USH1C: variants seen among roughly 807,000 people sequenced by gnomAD.
USH1C encodes harmonin.
Under a neutral mutation model 119.3 loss-of-function variants are expected in USH1C, and 90 were observed. The observed-to-expected ratio is 0.75, with a 90% CI of 0.64 to 0.90. USH1C has a LOEUF of 0.90. Among genes scored for constraint, USH1C ranks in the 40% least tolerant of loss-of-function variants. The pLI is 0.00. For missense variants in USH1C, 1,165 were observed against 1,167.7 expected, an observed-to-expected ratio of 1.00 and a Z score of 0.03; for synonymous variants, 465 against 443.3, an observed-to-expected ratio of 1.05 and a Z score of -0.62.
chr11:17,530,436 A>G (rs904739500), intron 4 of USH1C, among the ~76,000 whole-genome samples: 3 of 152,212 alleles, frequency 2.0e-5, no homozygotes, highest in African/African-American at 7.2e-5. Context: ...CTGAGCCTCT[A>G]TTAATTCTGT....
chr11:17,523,264 C>A lies in USH1C; in HGVS notation c.823G>T (p.Val275Leu), dbSNP rs1850501446. 1 of 1,614,072 alleles carries A rather than the reference C, an allele frequency of 6.2e-7. No homozygotes were observed. The highest frequency in any genetic ancestry group is 1.3e-5 in the African/African-American group (1 of 74,934). Reference sequence around the variant, plus strand: ...CTGCGGCTACTCTTCAGCACATTTACAGCCTGTGGGGACAGAAGGACAGTG... The same window carrying A: ...CTGCGGCTACTCTTCAGCACATTTAAAGCCTGTGGGGACAGAAGGACAGTG... ...DFSNLDHKEA[V>L]NVLKSSRSLT... is the part of the protein sequence containing the mutation. Residue 275 changes from valine (V) to leucine (L), a missense_variant, in exon 11 of 27, where the codon GTA becomes TTA. Transcript: ENST00000005226.
chr11:17,530,341 C>T (rs931891846), intron 4 of USH1C, among the ~76,000 whole-genome samples: 1 of 152,206 alleles, frequency 6.6e-6, no homozygotes, highest in Non-Finnish European at 1.5e-5. Context: ...AGGAGAGGCA[C>T]CTGCGTTGCT....
chr11:17,531,353 G>T lies in USH1C; in HGVS notation c.248+46C>A, dbSNP rs577511566. The T allele has an allele frequency of 6.2e-7, 1 of 1,613,880 alleles. No homozygotes were observed. On this transcript the variant is annotated intron_variant, in intron 3 of 26. Transcript: ENST00000005226. The surrounding 1 kb of genome is among the most constrained non-coding windows in gnomAD (Gnocchi z 4.2). ...GGCTGCCAGCACTGCCCCGCCCAGG[G>T]TGATCTCTCCACCCCCTGCCTCCAG...
Position 17,540,411 on chromosome 11 carries a change from C to A in USH1C, c.36+3861G>T, listed in dbSNP as rs148724100. ...TCCTTCTCCTCCAAAAGTTGAGGTA[C>A]CCCGGGCTCTGTCCTAGGTCTCCTC... On this transcript the variant is annotated intron_variant, in intron 1 of 26. Transcript: ENST00000005226. Among the ~76,000 whole-genome samples, 151 of 152,144 alleles carry A rather than the reference C, an allele frequency of 9.9e-4. 3 individuals carry two copies. The East Asian group carries it at 0.01, about 10-fold the overall frequency.
At chr11:17,504,610 G>A in intron 20 of USH1C, 37 bp downstream of exon 20, 2 of 1,610,406 alleles carry the variant, frequency 1.2e-6, no homozygotes, top group Non-Finnish European at 1.7e-6. Flanking sequence ...CGGGGGTGGT[G>A]GGGAGACCTC....
intron 14 of USH1C, 127 bp from the exon 15 acceptor site, chr11:17,516,417 C>T (rs531473871): frequency 2.6e-5 from 25 of 974,488 alleles, no homozygotes; most frequent in East Asian, 7.9e-5. Context: ...TTGGCAGATC[C>T]GACAGCAAAA....
intron 2 of USH1C, among the ~76,000 whole-genome samples, chr11:17,532,371 C>T (rs781609812): frequency 2.6e-4 from 40 of 152,114 alleles, no homozygotes; most frequent in Non-Finnish European, 5.1e-4. Flanking sequence ...AATCATGGCT[C>T]ACTGCAGCCT....
chr11:17,535,601 T>C (rs1250933333), intron 1 of USH1C, among the ~76,000 whole-genome samples: 1 of 152,090 alleles, frequency 6.6e-6, no homozygotes, highest in African/African-American at 2.4e-5. Flanking sequence ...CATAATAAGC[T>C]CTCAATAAAG....
intron 14 of USH1C, chr11:17,516,732 C>G (rs1850163479): frequency 3.4e-6 from 1 of 293,932 alleles, no homozygotes; most frequent in Admixed American, 4.7e-5. Flanking sequence ...GGGTGTCTGC[C>G]TAGAACTGTT....
chr11:17,507,592 T>G (rs760815526), intron 18 of USH1C, among the ~76,000 whole-genome samples: 6 of 152,242 alleles, frequency 3.9e-5, no homozygotes, highest in Non-Finnish European at 8.8e-5. Context: ...CTTGCCATTC[T>G]TAACTTAGAA....
chr11:17,495,101 A>G (rs11024309), intron 26 of USH1C: 92,538 of 240,904 alleles, frequency 0.38, 18,703 homozygotes, highest in Non-Finnish European at 0.43. Flanking sequence ...GCCATGGTGG[A>G]GCAAGAGCTC....
intron 13 of USH1C, among the ~76,000 whole-genome samples, 159 bp downstream of exon 13, chr11:17,521,187 A>C (rs943758450): frequency 6.6e-6 from 1 of 152,170 alleles, no homozygotes; most frequent in Admixed American, 6.5e-5. Context: ...ACTATGTTTC[A>C]GTTACTATAA....
rs552281202 is a variant in USH1C, at chr11:17,526,521, C to T, written c.580-80G>A. ...TCTTGAGCTTGTGGGATCTGCAGGGCGAGCACTGCTGAACTCACGCCAGCC... is the reference window on the plus strand; with the variant it reads ...TCTTGAGCTTGTGGGATCTGCAGGGTGAGCACTGCTGAACTCACGCCAGCC... On this transcript the variant is annotated intron_variant, in intron 7 of 26. Transcript: ENST00000005226. 2.1e-4 allele frequency: 275 copies of T among 1,321,982 alleles called. No individual in the cohort carries two copies. The African/African-American group carries it at 2.9e-3, about 14-fold the overall frequency. 81.9% of individuals were successfully genotyped at this position (1,321,982 alleles called of 1,614,324 possible).
At chr11:17,517,691 T>G (rs957652467) in intron 14 of USH1C, among the ~76,000 whole-genome samples, 2 of 152,220 alleles carry the variant, frequency 1.3e-5, no homozygotes, top group Non-Finnish European at 2.9e-5. Flanking sequence ...CTTTAGTTTT[T>G]CTGTCTGTAC....
Position 17,501,127 on chromosome 11 carries a change from C to T in USH1C, c.2304G>A (p.Leu768=), listed in dbSNP as rs780145485. ...IKKEGSLDLA[L]EGGVDSPIGK... ...CAATGGGGGAGTCCACACCGCCTTC[C>T]AGGGCCAGGTCTAAGGATCCCTCCT... The change falls in exon 23 of 27, where the codon CTG becomes CTA. Residue 768 remains leucine, a synonymous_variant. Transcript: ENST00000005226. The T allele has an allele frequency of 6.2e-7, 1 of 1,614,022 alleles. No homozygotes were observed. The highest frequency in any genetic ancestry group is 2.2e-5 in the East Asian group (1 of 44,868).
At chr11:17,526,993 C>A (rs2133897005) in intron 6 of USH1C, 23 bp downstream of exon 6, 1 of 1,563,248 alleles carries the variant, frequency 6.4e-7, no homozygotes, top group Non-Finnish European at 8.7e-7. Context: ...GAAGAGTTGG[C>A]CTGCAGAGGA....
At chr11:17,496,913 G>T in intron 24 of USH1C, 100 bp from the exon 25 acceptor site, 1 of 1,431,766 alleles carries the variant, frequency 7.0e-7, no homozygotes, top group Non-Finnish European at 9.7e-7. Flanking sequence ...CCTAGGATCA[G>T]CCAGGCTGCA....
chr11:17,496,628 G>T, intron 25 of USH1C, 130 bp downstream of exon 25: 1 of 1,144,192 alleles, frequency 8.7e-7, no homozygotes, highest in Non-Finnish European at 1.3e-6. Flanking sequence ...TAGGAGCTCT[G>T]GCTATGAGAA....
chr11:17,528,612 G>C (rs1850821191), intron 4 of USH1C, among the ~76,000 whole-genome samples: 1 of 152,354 alleles, frequency 6.6e-6, no homozygotes, highest in Non-Finnish European at 1.5e-5. Context: ...CTCCCTGTGG[G>C]TCTAGGTAGG....
Sources: allele counts gnomAD v4.1 joint callset (sites outside exome capture counted in the v4.1 genomes callset), GRCh38; gene constraint gnomAD v4.1.1; non-coding constraint Gnocchi (gnomAD v3.1); transcripts MANE v1.5; gene names NCBI Gene and HGNC (gene_info 2026-07-23, HGNC 2026-07-21).